IGF1R: variants seen among roughly 807,000 people sequenced by gnomAD.
The protein encoded by IGF1R is insulin-like growth factor 1 receptor.
In IGF1R, 44 loss-of-function variants were observed where a neutral mutation model predicts 144.6. The observed-to-expected ratio is 0.30, with a 90% CI of 0.24 to 0.39. The LOEUF is 0.39. Ranked by LOEUF, IGF1R falls within the 10% of genes least tolerant of loss-of-function variation. The probability of loss-of-function intolerance (pLI) is 1.00; values close to 1 mark genes in which losing one functional copy is unlikely to be tolerated. For synonymous variants in IGF1R, 795 were observed against 722.8 expected, an observed-to-expected ratio of 1.10 and a Z score of -1.60; for missense variants, 1,355 against 1,833.7, an observed-to-expected ratio of 0.74 and a Z score of 4.77.
intron 1 of IGF1R, among the ~76,000 whole-genome samples, chr15:98,653,411 A>G (rs1001661817): frequency 6.6e-6 from 1 of 152,226 alleles, no homozygotes; most frequent in Non-Finnish European, 1.5e-5. Context: ...CACATTGACC[A>G]CAAGTGGTAG....
intron 1 of IGF1R, among the ~76,000 whole-genome samples, chr15:98,680,367 C>T (rs528050288): frequency 6.9e-4 from 105 of 151,770 alleles, no homozygotes; most frequent in Admixed American, 2.3e-3. Flanking sequence ...CCCAAGTTCA[C>T]GCCATTCTCC....
At chr15:98,865,604 T>C (rs565760590) in intron 2 of IGF1R, among the ~76,000 whole-genome samples, 10 of 152,308 alleles carry the variant, frequency 6.6e-5, no homozygotes, top group Non-Finnish European at 1.0e-4. Flanking sequence ...TGGGAAGATA[T>C]GAACTCCTTG....
intron 10 of IGF1R, among the ~76,000 whole-genome samples, chr15:98,920,115 T>C (rs2015421340): frequency 6.6e-6 from 1 of 152,234 alleles, no homozygotes; most frequent in South Asian, 2.1e-4. Flanking sequence ...TGTTGACAGA[T>C]GTTGGAAAGT....
intron 2 of IGF1R, among the ~76,000 whole-genome samples, chr15:98,884,096 T>G (rs2013517900): frequency 6.6e-6 from 1 of 152,168 alleles, no homozygotes; most frequent in Non-Finnish European, 1.5e-5. Flanking sequence ...TTTAAAGGAA[T>G]GGGGGTATTC....
rs996587413 is a variant in IGF1R at position 98,802,513 on chromosome 15, A to G, written c.641-88812A>G. ...GACTTAAGGATGGAGAAAGGTGACA[A>G]AAGAGATGCAAGCCAACAGCAATTT... On this transcript the variant is annotated intron_variant, in intron 2 of 20. Transcript: ENST00000650285. Among the ~76,000 whole-genome samples the G allele has an allele frequency of 5.9e-5, 9 of 152,214 alleles. 1 individual carries two copies. The South Asian group carries it at 1.9e-3, about 32-fold the overall frequency.
chr15:98,835,595 C>T (rs181053323), intron 2 of IGF1R, among the ~76,000 whole-genome samples: 3 of 152,282 alleles, frequency 2.0e-5, no homozygotes, highest in Admixed American at 6.5e-5. Flanking sequence ...ATTTTAGGCA[C>T]AGCAGGTCAA....
At chr15:98,655,974 C>T (rs1267253165) in intron 1 of IGF1R, among the ~76,000 whole-genome samples, 3 of 152,316 alleles carry the variant, frequency 2.0e-5, no homozygotes, top group East Asian at 1.9e-4. Flanking sequence ...ATCACAGGTG[C>T]GAGCCACCGC....
Position 98,957,599 on chromosome 15 carries a change from T to A in IGF1R, c.*157T>A. ...CCCGCGGGAGACAGCTTCTCTGCAGTAAAACACATTTGGGATGTTCCTTTT... is the reference window on the plus strand; with the variant it reads ...CCCGCGGGAGACAGCTTCTCTGCAGAAAAACACATTTGGGATGTTCCTTTT... On this transcript the variant is annotated 3_prime_UTR_variant, in exon 21 of 21. Coordinates refer to ENST00000650285, the MANE Select transcript of IGF1R (RefSeq NM_000875.5). The A allele has an allele frequency of 1.2e-6, 1 of 846,862 alleles. No individual in the cohort carries two copies. The highest frequency in any genetic ancestry group is 1.9e-6 in the Non-Finnish European group (1 of 533,162). The allele number at this position is 846,862 out of a possible 1,614,324, so 52.5% of individuals were successfully genotyped here. A position where few individuals can be genotyped will look rare whatever the true frequency, so the allele number is the denominator to read the frequency against.
chr15:98,679,159 GC>G (rs1235074770), intron 1 of IGF1R, among the ~76,000 whole-genome samples: 2 of 151,920 alleles, frequency 1.3e-5, no homozygotes, highest in African/African-American at 4.8e-5. Context: ...TCCTCCCTTG[GC>G]CTCCCAAAGT....
At chr15:98,775,197 T>C (rs1167799691) in intron 2 of IGF1R, among the ~76,000 whole-genome samples, 2 of 152,202 alleles carry the variant, frequency 1.3e-5, no homozygotes, top group Admixed American at 1.3e-4. Flanking sequence ...AAGTCCTCCC[T>C]GCTGTAGCAA....
chr15:98,789,755 C>G (rs530314327), intron 2 of IGF1R, among the ~76,000 whole-genome samples: 1 of 152,124 alleles, frequency 6.6e-6, no homozygotes, highest in East Asian at 1.9e-4. Flanking sequence ...TTCTTAAACT[C>G]TGTGACAGTG....
intron 2 of IGF1R, among the ~76,000 whole-genome samples, chr15:98,725,840 TGTG>T (rs1366374100): frequency 6.6e-6 from 1 of 151,816 alleles, no homozygotes; most frequent in East Asian, 1.9e-4. Flanking sequence ...CAAGAGAAAA[TGTG>T]GAAGAAGCAA....
chr15:98,659,906 A>C (rs1475200165), intron 1 of IGF1R, among the ~76,000 whole-genome samples: 1 of 152,184 alleles, frequency 6.6e-6, no homozygotes, highest in South Asian at 2.1e-4. Context: ...CCAGCCAGAA[A>C]TACTCACAGA....
At chr15:98,869,972 C>T (rs1310664657) in intron 2 of IGF1R, among the ~76,000 whole-genome samples, 1 of 151,910 alleles carries the variant, frequency 6.6e-6, no homozygotes, top group Non-Finnish European at 1.5e-5. Context: ...GTGTGCATTA[C>T]AAGTATATAC....
Position 98,960,390 on chromosome 15 carries a change from C to A in IGF1R, c.*2948C>A, listed in dbSNP as rs569085428. The stretch of plus-strand genomic sequence containing the variant: ...TGTGAGGCCAACGAGGGCACCAGAG[C>A]ACACCTGGGGGAGCCACCAGGCTGT... On this transcript the variant is annotated 3_prime_UTR_variant, in exon 21 of 21. Coordinates refer to ENST00000650285, the MANE Select transcript of IGF1R (RefSeq NM_000875.5). 4.3e-6 allele frequency: 1 copy of A among 233,352 alleles called. No individual in the cohort carries two copies. Among genetic ancestry groups the A allele is most frequent in the Admixed American group, 5.6e-5 (1 of 17,814 alleles). The allele number at this position is 233,352 out of a possible 1,614,324, so 14.5% of individuals were successfully genotyped here.
chr15:98,760,349 C>CAAA (rs772900938), intron 2 of IGF1R, among the ~76,000 whole-genome samples: 2 of 125,680 alleles, frequency 1.6e-5, no homozygotes, highest in African/African-American at 5.8e-5. Flanking sequence ...GAGACTGCCT[C>CAAA]AAAAAAAAAA....
At chr15:98,919,955 T>C (rs1833881345) in intron 10 of IGF1R, among the ~76,000 whole-genome samples, 1 of 152,372 alleles carries the variant, frequency 6.6e-6, no homozygotes, top group African/African-American at 2.4e-5. Context: ...CCTTATAAAT[T>C]GTCCAGAATA....
At chr15:98,916,642 C>G (rs762668269) in intron 9 of IGF1R, 30 bp from the exon 10 acceptor site, 88 of 1,594,180 alleles carry the variant, frequency 5.5e-5, no homozygotes, top group Non-Finnish European at 7.1e-5. Context: ...TTCATTCCCA[C>G]TCTTGTTTTG....
chr15:98,942,993 G>A lies in IGF1R; in HGVS notation c.3528G>A (p.Val1176=). 6.2e-7 allele frequency: 1 copy of A among 1,614,168 alleles called. No individual in the cohort carries two copies. Among genetic ancestry groups the A allele is most frequent in the Non-Finnish European group, 8.5e-7 (1 of 1,180,006 alleles). ...AAGGAGGGAAAGGGCTGCTGCCCGT[G>A]CGCTGGATGTCTCCTGAGTCCCTCA... ...YRKGGKGLLP[V]RWMSPESLKD... is the part of the protein sequence containing the mutation. Residue 1176 remains valine, a synonymous_variant, in exon 19 of 21, where the codon GTG becomes GTA. Transcript: ENST00000650285.
Sources: allele counts gnomAD v4.1 joint callset (sites outside exome capture counted in the v4.1 genomes callset), GRCh38; gene constraint gnomAD v4.1.1; transcripts MANE v1.5; gene names NCBI Gene and HGNC (gene_info 2026-07-23, HGNC 2026-07-21).